The following MARCHF1 variants were observed in gnomAD, a reference collection of about 807,000 sequenced individuals.
MARCHF1 encodes E3 ubiquitin-protein ligase MARCHF1.
Under a neutral mutation model 54.2 loss-of-function variants are expected in MARCHF1, and 40 were observed. The ratio of observed to expected loss-of-function variants is 0.74; its 90% CI spans 0.57 to 0.96. MARCHF1 has a LOEUF of 0.96. MARCHF1 is among the 40% of genes least tolerant of loss of function. The pLI, the probability that MARCHF1 is intolerant of heterozygous loss-of-function variation, is 0.00. For synonymous variants in MARCHF1, 236 were observed against 236.3 expected, an observed-to-expected ratio of 1.00 and a Z score of 0.01; for missense variants, 586 against 656.5, an observed-to-expected ratio of 0.89 and a Z score of 1.17.
intron 1 of MARCHF1, among the ~76,000 whole-genome samples, chr4:164,232,834 G>A (rs982703695): frequency 3.3e-5 from 5 of 152,104 alleles, no homozygotes; most frequent in African/African-American, 1.2e-4. Flanking sequence ...AGATGCAATA[G>A]TAGTTACACA....
At chr4:163,937,198 C>T (rs115200672) in intron 3 of MARCHF1, among the ~76,000 whole-genome samples, 85 of 152,094 alleles carry the variant, frequency 5.6e-4, no homozygotes, top group African/African-American at 2.0e-3. Context: ...CCAAGCCTTA[C>T]ATAAAATAAT....
intron 1 of MARCHF1, among the ~76,000 whole-genome samples, chr4:164,370,652 T>C (rs1731012478): frequency 6.6e-6 from 1 of 152,228 alleles, no homozygotes; most frequent in African/African-American, 2.4e-5. Context: ...CTCATGCCTG[T>C]AATCCCAGCA....
intron 2 of MARCHF1, among the ~76,000 whole-genome samples, chr4:164,042,649 A>G (rs1457053803): frequency 6.6e-6 from 1 of 152,142 alleles, no homozygotes; most frequent in Admixed American, 6.5e-5. Context: ...TCACATTGCA[A>G]AATACAATTA....
At chr4:164,170,505 G>A (rs535928517) in intron 1 of MARCHF1, among the ~76,000 whole-genome samples, 2 of 152,034 alleles carry the variant, frequency 1.3e-5, no homozygotes, top group Non-Finnish European at 2.9e-5. Context: ...CACCATGGTT[G>A]TAAAGATTAA....
chr4:163,790,039 C>G (rs150617847), intron 4 of MARCHF1, among the ~76,000 whole-genome samples: 145 of 152,118 alleles, frequency 9.5e-4, no homozygotes, highest in African/African-American at 3.3e-3. Context: ...TAGCTAAGAT[C>G]AGGATAATTT....
chr4:163,804,357 A>T (rs1250221555), intron 4 of MARCHF1, among the ~76,000 whole-genome samples: 1 of 152,162 alleles, frequency 6.6e-6, no homozygotes, highest in Middle Eastern at 3.2e-3. Context: ...CATTAATATC[A>T]TATGGGAACT....
intron 1 of MARCHF1, among the ~76,000 whole-genome samples, chr4:164,242,645 T>G (rs1380791446): frequency 6.6e-6 from 1 of 151,492 alleles, no homozygotes; most frequent in African/African-American, 2.5e-5. Context: ...TTTGATGAGC[T>G]GTGAGAAGAA....
At chr4:164,339,374 T>C (rs867365233) in intron 1 of MARCHF1, among the ~76,000 whole-genome samples, 6 of 152,146 alleles carry the variant, frequency 3.9e-5, no homozygotes, top group Middle Eastern at 3.2e-3. Context: ...ATAATAATTA[T>C]CTTTTCCAAC....
intron 2 of MARCHF1, among the ~76,000 whole-genome samples, chr4:164,068,492 C>T (rs571920057): frequency 8.5e-5 from 13 of 152,160 alleles, no homozygotes; most frequent in African/African-American, 2.4e-4. Flanking sequence ...CAATTCGGAG[C>T]GGCCGGCCAG....
chr4:164,294,362 C>T (rs920232029), intron 1 of MARCHF1, among the ~76,000 whole-genome samples: 7 of 152,152 alleles, frequency 4.6e-5, no homozygotes, highest in African/African-American at 1.7e-4. Context: ...CTGAATAATA[C>T]ACAAATCAAT....
At chr4:164,159,997 C>A (rs1472901553) in intron 1 of MARCHF1, among the ~76,000 whole-genome samples, 2 of 152,080 alleles carry the variant, frequency 1.3e-5, no homozygotes. Flanking sequence ...TCCTTCTGAA[C>A]CAGGACCTAG....
At chr4:164,320,286 A>G (rs1420003853) in intron 1 of MARCHF1, among the ~76,000 whole-genome samples, 1 of 152,142 alleles carries the variant, frequency 6.6e-6, no homozygotes, top group Non-Finnish European at 1.5e-5. Flanking sequence ...TAAGTCCAAA[A>G]TCCTCTGCCA....
At chr4:164,084,583 TCTAAG>T (rs898115118) in intron 2 of MARCHF1, among the ~76,000 whole-genome samples, 2 of 151,944 alleles carry the variant, frequency 1.3e-5, no homozygotes, top group African/African-American at 2.4e-5. Context: ...AATTTGCTAA[TCTAAG>T]CTACCATTTT....
chr4:163,623,141 C>G (rs1741745490), intron 5 of MARCHF1, among the ~76,000 whole-genome samples: 1 of 152,166 alleles, frequency 6.6e-6, no homozygotes, highest in African/African-American at 2.4e-5. Flanking sequence ...GTAATATAGA[C>G]AAGATCCAAG....
At chr4:164,249,616 AG>A (rs1733065097) in intron 1 of MARCHF1, among the ~76,000 whole-genome samples, 1 of 151,984 alleles carries the variant, frequency 6.6e-6, no homozygotes, top group African/African-American at 2.4e-5. Context: ...AGAACACAAC[AG>A]GACTATATTT....
At chr4:163,805,170 AT>A (rs1748190085) in intron 4 of MARCHF1, among the ~76,000 whole-genome samples, 1 of 152,080 alleles carries the variant, frequency 6.6e-6, no homozygotes, top group East Asian at 1.9e-4. Context: ...ATTGATTAGA[AT>A]TATTTTCTAA....
chr4:163,876,405 A>G lies in MARCHF1; in HGVS notation c.-38-22236T>C, dbSNP rs78458958. Among the ~76,000 whole-genome samples, 748 of 152,280 alleles carry G rather than the reference A, an allele frequency of 4.9e-3. 9 individuals are homozygous for G. The highest frequency in any genetic ancestry group is 0.017 in the African/African-American group (695 of 41,580). ...TCTAGTGAGCCACCAGATTATAAAG[A>G]TTGACTTCAGAATGTGTCTCAAATC... On this transcript the variant is annotated intron_variant, in intron 3 of 9. Transcript: ENST00000514618.
At chr4:164,000,888 A>G (rs1334717759) in intron 2 of MARCHF1, among the ~76,000 whole-genome samples, 2 of 151,746 alleles carry the variant, frequency 1.3e-5, no homozygotes, top group Non-Finnish European at 1.5e-5. Context: ...TAATAAAGCA[A>G]TGAAAACATA....
At chr4:163,592,056 G>T (rs1740608440) in intron 7 of MARCHF1, among the ~76,000 whole-genome samples, 1 of 152,004 alleles carries the variant, frequency 6.6e-6, no homozygotes, top group Non-Finnish European at 1.5e-5. Context: ...GATTTCTAAG[G>T]TTTCCTTAAC....
Sources: gnomAD v4.1 joint callset for allele counts (sites outside exome capture counted in the v4.1 genomes callset) on GRCh38, gnomAD v4.1.1 for gene constraint, MANE v1.5 for transcripts, NCBI Gene and HGNC (gene_info 2026-07-23, HGNC 2026-07-21) for gene names.